Variants in TMEM117 observed in about 807,000 individuals in gnomAD.
TMEM117 encodes transmembrane protein 117.
In TMEM117, 27 loss-of-function variants were observed where a neutral mutation model predicts 52.4. The ratio of observed to expected loss-of-function variants is 0.51; its 90% confidence interval spans 0.38 to 0.71. TMEM117 has a LOEUF of 0.71. TMEM117 is among the 30% of genes least tolerant of loss of function. The pLI is 0.00. For synonymous variants in TMEM117, 215 were observed against 206.3 expected, an observed-to-expected ratio of 1.04 and a Z score of -0.36; for missense variants, 556 against 630.5, an observed-to-expected ratio of 0.88 and a Z score of 1.26.
intron 3 of TMEM117, among the ~76,000 whole-genome samples, chr12:44,107,542 T>G (rs1233261478): frequency 1.3e-5 from 2 of 152,030 alleles, no homozygotes; most frequent in African/African-American, 4.8e-5. Flanking sequence ...TGAGTTGACA[T>G]GGAGATAGGA....
intron 4 of TMEM117, among the ~76,000 whole-genome samples, chr12:44,158,639 C>A (rs1948859249): frequency 1.3e-5 from 2 of 152,102 alleles, no homozygotes; most frequent in East Asian, 3.8e-4. Context: ...GTTGCCATGG[C>A]ATCTTAAAAA....
the TMEM117 span, among the ~76,000 whole-genome samples, chr12:44,397,316 T>C: frequency 1.3e-5 from 2 of 152,242 alleles, no homozygotes; most frequent in Non-Finnish European, 2.9e-5. Flanking sequence ...AGTTATGTGA[T>C]GACTGACTCT....
chr12:44,154,792 A>G (rs748910202), intron 4 of TMEM117, among the ~76,000 whole-genome samples: 33 of 150,830 alleles, frequency 2.2e-4, no homozygotes, highest in Non-Finnish European at 4.6e-4. Flanking sequence ...TGTTTTGATT[A>G]TATGATTTTT....
At position 43,886,615 on chromosome 12, in the gene TMEM117, T is replaced by A. The variant is rs972338260; in HGVS notation, c.277+41687T>A. On this transcript the variant is annotated intron_variant, in intron 2 of 7. Transcript: ENST00000266534. ...GAGAAATGTTTTTTTTCTGGCGAGG[T>A]AGCCATTTCTTTTTTTTAACTTTTA... 5.3e-5 allele frequency among the ~76,000 whole-genome samples: 8 copies of A among 152,000 alleles called. No homozygotes were observed. In the East Asian group the frequency reaches 1.5e-3, roughly 29 times the overall value.
intron 3 of TMEM117, among the ~76,000 whole-genome samples, chr12:44,080,992 AAAGT>A (rs140086379): frequency 0.075 from 11,439 of 152,162 alleles, 1,292 homozygotes; most frequent in African/African-American, 0.25. Context: ...TGCATAATGA[AAAGT>A]AAGTGTTTTT....
intron 4 of TMEM117, among the ~76,000 whole-genome samples, chr12:44,163,743 T>C (rs1004717536): frequency 3.9e-5 from 6 of 152,220 alleles, no homozygotes; most frequent in Non-Finnish European, 8.8e-5. Context: ...ATTGTTGGAT[T>C]GCCATTGACT....
At chr12:44,011,806 A>G (rs1414494054) in intron 3 of TMEM117, among the ~76,000 whole-genome samples, 1 of 152,198 alleles carries the variant, frequency 6.6e-6, no homozygotes, top group African/African-American at 2.4e-5. Context: ...AGAATATCTT[A>G]TGGTGTTATA....
intron 5 of TMEM117, among the ~76,000 whole-genome samples, chr12:44,231,446 C>G (rs1398722739): frequency 6.6e-6 from 1 of 151,696 alleles, no homozygotes; most frequent in Non-Finnish European, 1.5e-5. Context: ...CAGGATCATT[C>G]TTGCATACAT....
At chr12:44,195,936 A>ATAACTAAC (rs1425132602) in intron 4 of TMEM117, among the ~76,000 whole-genome samples, 25 of 136,548 alleles carry the variant, frequency 1.8e-4, no homozygotes, top group Non-Finnish European at 3.1e-4. Context: ...AAATAAATAA[A>ATAACTAAC]TAACTGGGCA....
intron 3 of TMEM117, among the ~76,000 whole-genome samples, chr12:44,034,475 T>G (rs1410188493): frequency 6.6e-6 from 1 of 152,190 alleles, no homozygotes; most frequent in Non-Finnish European, 1.5e-5. Context: ...TAGATTAAAA[T>G]ATATGTGTGA....
chr12:44,243,797 C>T (rs1474148901), intron 5 of TMEM117, among the ~76,000 whole-genome samples: 2 of 151,756 alleles, frequency 1.3e-5, no homozygotes, highest in Non-Finnish European at 1.5e-5. Context: ...CACCCTCCCA[C>T]CTCTGGCAAC....
intron 7 of TMEM117, among the ~76,000 whole-genome samples, chr12:44,378,296 T>C (rs1284268444): frequency 2.0e-5 from 3 of 152,152 alleles, no homozygotes; most frequent in African/African-American, 4.8e-5. Flanking sequence ...CTGCTAAAAA[T>C]ATTTAATTTA....
At chr12:43,939,010 A>T (rs150067902) in intron 2 of TMEM117, among the ~76,000 whole-genome samples, 59 of 152,100 alleles carry the variant, frequency 3.9e-4, no homozygotes, top group African/African-American at 1.3e-3. Flanking sequence ...AAAATAAAAA[A>T]AAAAATAAAA....
intron 3 of TMEM117, among the ~76,000 whole-genome samples, chr12:44,105,146 G>A (rs1346964885): frequency 2.0e-5 from 3 of 151,680 alleles, no homozygotes; most frequent in Admixed American, 6.6e-5. Flanking sequence ...GTTTTTGGAT[G>A]TTCTGTTTGA....
rs1951605092 is a variant in TMEM117 at position 44,353,942 on chromosome 12, T to C, written c.769-22653T>C. Among the ~76,000 whole-genome samples the C allele has an allele frequency of 3.9e-5, 6 of 152,322 alleles. No individual in the cohort carries two copies. The South Asian group carries it at 1.2e-3, about 32-fold the overall frequency. On this transcript the variant is annotated intron_variant, in intron 6 of 7. Transcript: ENST00000266534. Reference sequence around the variant, plus strand: ...TCCTACCCATGAGCATGGAATGTTCTTCTATTTGTTTGTATCCTCTTTTAT... The same window carrying C: ...TCCTACCCATGAGCATGGAATGTTCCTCTATTTGTTTGTATCCTCTTTTAT...
At chr12:43,866,389 A>G (rs1943599579) in intron 2 of TMEM117, among the ~76,000 whole-genome samples, 1 of 150,702 alleles carries the variant, frequency 6.6e-6, no homozygotes, top group Non-Finnish European at 1.5e-5. Context: ...CCTGGGACAC[A>G]TAGTGAGACC....
chr12:43,821,101 AAAAAAAAAAAAAG>A, the TMEM117 span, among the ~76,000 whole-genome samples: 1 of 144,036 alleles, frequency 6.9e-6, no homozygotes, highest in South Asian at 2.1e-4. Flanking sequence ...TCTCACATTA[AAAAAAAAAAAAAG>A]AAAAAAAAAG....
intron 2 of TMEM117, among the ~76,000 whole-genome samples, chr12:43,902,460 G>A (rs56116013): frequency 0.036 from 5,517 of 152,230 alleles, 121 homozygotes; most frequent in Non-Finnish European, 0.041. Flanking sequence ...TGAACTAATA[G>A]CAAGGTTGAC....
Position 43,944,252 on chromosome 12 carries a change from C to A in TMEM117, c.320C>A (p.Ser107Ter). The change falls in exon 3 of 8, where the codon TCG becomes TAG. Residue 107 changes from serine to a stop codon, truncating the protein, a stop_gained. Transcript: ENST00000266534. LOFTEE classifies it high-confidence loss of function. Reference protein sequence around the residue: ...RLKMFREDHGSWMTMFFSTIL... With the variant: ...RLKMFREDHG ...AAAATGTTTCGAGAAGATCATGGGT[C>A]GTGGATGACAATGTTCTTCAGCACA... is the stretch of plus-strand genomic sequence containing the variant. The A allele has an allele frequency of 6.2e-7, 1 of 1,613,114 alleles. No homozygotes were observed. Among genetic ancestry groups the A allele is most frequent in the South Asian group, 1.1e-5 (1 of 90,992 alleles).
Sources: allele counts gnomAD v4.1 joint callset (sites outside exome capture counted in the v4.1 genomes callset), GRCh38; gene constraint gnomAD v4.1.1; transcripts MANE v1.5; gene names NCBI Gene and HGNC (gene_info 2026-07-23, HGNC 2026-07-21).